Variants in ZSWIM6 observed in about 807,000 individuals in gnomAD.
The protein encoded by ZSWIM6 is zinc finger SWIM domain-containing protein 6.
Under a neutral mutation model 113.2 loss-of-function variants are expected in ZSWIM6, and 9 were observed. That is an observed-to-expected ratio of 0.08 (90% CI 0.05 to 0.14). The LOEUF (loss-of-function observed/expected upper bound fraction) is 0.14, where lower values mean the gene tolerates loss of function less well. Among genes scored for constraint, ZSWIM6 ranks in the 10% least tolerant of loss-of-function variants. ZSWIM6 has a pLI of 1.00. For synonymous variants in ZSWIM6, 611 were observed against 606.5 expected (o/e 1.01, Z -0.11); for missense variants, 1,162 against 1,552.2 (o/e 0.75, Z 4.22).
intron 1 of ZSWIM6, among the ~76,000 whole-genome samples, 153 bp downstream of exon 1, chr5:61,333,101 G>C (rs1216136634): frequency 6.6e-6 from 1 of 151,550 alleles, no homozygotes; most frequent in African/African-American, 2.4e-5. Context: ...CTCCTGAGCG[G>C]AGCGCCCATT....
rs769597327 is a variant in ZSWIM6, at chr5:61,544,315, TGATA to T, written c.*2_*5del. 5 of 1,128,228 alleles carry T rather than the reference TGATA, an allele frequency of 4.4e-6. No homozygotes were observed. Among genetic ancestry groups the T allele is most frequent in the Non-Finnish European group, 5.8e-6 (5 of 855,190 alleles). 69.9% of individuals were successfully genotyped at this position (1,128,228 alleles called of 1,614,324 possible). On this transcript the variant is annotated stop_retained_variant and 3_prime_UTR_variant, in exon 14 of 14. Transcript: ENST00000252744. ...GATGTTGGTTCGGGAGAGGTTTGGT[TGATA>T]GATCTTGTATGAATGGGGTGGGGGG...
Position 61,406,730 on chromosome 5 carries a change from T to TTTA in ZSWIM6, c.677-65951_677-65950insTTA, listed in dbSNP as rs1487703396. Among the ~76,000 whole-genome samples, 6 of 101,906 alleles carry TTTA rather than the reference T, an allele frequency of 5.9e-5. No homozygotes were observed. The East Asian group carries it at 9.9e-4, about 17-fold the overall frequency. The allele number at this position is 101,906 out of a possible 152,430, so 66.9% of individuals were successfully genotyped here. On this transcript the variant is annotated intron_variant, in intron 1 of 13. Coordinates refer to ENST00000252744, the MANE Select transcript of ZSWIM6 (RefSeq NM_020928.2). The stretch of plus-strand genomic sequence containing the variant: ...TATTTATTTATTTATTTATTTATTT[T>TTTA]GAGACAGAGTCTTGCTCTGTCACCC...
chr5:61,364,866 T>C (rs541689906), intron 1 of ZSWIM6, among the ~76,000 whole-genome samples: 31 of 152,140 alleles, frequency 2.0e-4, no homozygotes, highest in African/African-American at 7.0e-4. Context: ...ATTGGTAAAT[T>C]TGGGGGGACA....
At chr5:61,367,211 C>G in intron 1 of ZSWIM6, among the ~76,000 whole-genome samples, 1 of 152,120 alleles carries the variant, frequency 6.6e-6, no homozygotes, top group Admixed American at 6.5e-5. Context: ...CATAACAATT[C>G]TGCAGTGTAG....
chr5:61,495,376 G>A (rs890779336), intron 4 of ZSWIM6, among the ~76,000 whole-genome samples: 4 of 152,148 alleles, frequency 2.6e-5, no homozygotes, highest in African/African-American at 9.7e-5. Flanking sequence ...ATGACACTGT[G>A]TAATCTAGGG....
chr5:61,483,895 A>T (rs911569843), intron 2 of ZSWIM6, among the ~76,000 whole-genome samples: 2 of 150,152 alleles, frequency 1.3e-5, no homozygotes, highest in Non-Finnish European at 3.0e-5. Flanking sequence ...ATAAATAAAT[A>T]AATAAAATAA....
intron 1 of ZSWIM6, among the ~76,000 whole-genome samples, chr5:61,410,655 T>G (rs1746134699): frequency 6.6e-6 from 1 of 152,176 alleles, no homozygotes; most frequent in Admixed American, 6.5e-5. Context: ...AGACTGGTGT[T>G]TTTCACTTAG....
intron 2 of ZSWIM6, among the ~76,000 whole-genome samples, chr5:61,482,248 A>G (rs933293369): frequency 9.9e-5 from 15 of 152,204 alleles, no homozygotes; most frequent in African/African-American, 3.4e-4. Flanking sequence ...AACTATAAGA[A>G]TAGAAAACCA....
At chr5:61,495,090 A>G (rs560145177) in intron 4 of ZSWIM6, among the ~76,000 whole-genome samples, 2 of 152,186 alleles carry the variant, frequency 1.3e-5, no homozygotes, top group Non-Finnish European at 2.9e-5. Flanking sequence ...TAAGAAATCT[A>G]TAAGTGACAC....
At chr5:61,449,016 C>T (rs910009549) in intron 1 of ZSWIM6, among the ~76,000 whole-genome samples, 22 of 152,204 alleles carry the variant, frequency 1.4e-4, no homozygotes, top group South Asian at 2.1e-4. Context: ...AAAGCATCTC[C>T]GTTCCCACTT....
chr5:61,471,435 T>C (rs1246429058), intron 1 of ZSWIM6, among the ~76,000 whole-genome samples: 2 of 151,470 alleles, frequency 1.3e-5, no homozygotes, highest in African/African-American at 4.9e-5. Flanking sequence ...CAGGACTACC[T>C]GGTGGGCACT....
rs1273576633 is a variant in ZSWIM6 at position 61,332,764 on chromosome 5, GGCCGCAACCTCGGCC to G, written c.498_512del (p.Thr167_Ala171del). The G allele has an allele frequency of 5.6e-6, 1 of 179,686 alleles. No individual in the cohort carries two copies. The highest frequency in any genetic ancestry group is 5.1e-4 in the Admixed American group (1 of 1,972). 11.1% of individuals were successfully genotyped at this position (179,686 alleles called of 1,614,324 possible). The stretch of plus-strand genomic sequence containing the variant: ...CGTCTTCCCCGGCCGCAACCTCGGC[GGCCGCAACCTCGGCC>G]GCCGCCGCCGCTGCCGCCGCCGCCG... On this transcript the variant is annotated inframe_deletion, in exon 1 of 14. Transcript: ENST00000252744.
chr5:61,529,951 T>G, intron 7 of ZSWIM6, 101 bp from the exon 8 acceptor site: 4 of 1,062,684 alleles, frequency 3.8e-6, no homozygotes, highest in Non-Finnish European at 5.2e-6. Context: ...AACTGGTTTA[T>G]CAGGATGCTG....
At chr5:61,503,160 A>G (rs1236549294) in intron 4 of ZSWIM6, among the ~76,000 whole-genome samples, 2 of 152,228 alleles carry the variant, frequency 1.3e-5, no homozygotes, top group African/African-American at 2.4e-5. Flanking sequence ...CAAAATTAAT[A>G]TAAGAAAAAG....
intron 1 of ZSWIM6, among the ~76,000 whole-genome samples, chr5:61,354,142 C>G (rs558513628): frequency 2.0e-5 from 3 of 152,276 alleles, no homozygotes; most frequent in African/African-American, 4.8e-5. Flanking sequence ...TTCTTGTGAC[C>G]TCATTCCTGC....
chr5:61,424,727 CT>C (rs35994591), intron 1 of ZSWIM6, among the ~76,000 whole-genome samples: 218 of 134,678 alleles, frequency 1.6e-3, no homozygotes, highest in African/African-American at 2.1e-3. Flanking sequence ...AATCTTGGCT[CT>C]TTTTTTTTTT....
chr5:61,525,963 G>T lies in ZSWIM6; in HGVS notation c.1677G>T (p.Trp559Cys). The T allele has an allele frequency of 5.2e-6, 8 of 1,552,036 alleles. No homozygotes were observed. The highest frequency in any genetic ancestry group is 7.0e-6 in the Non-Finnish European group (8 of 1,147,036). ...ACTCCCTCTTCGACTCCCGCGGGTG[G>T]CCCCTCTGGCATGGTAAGTGACCAA... ...TENSLFDSRG[W>C]PLWHEHVPTA... Residue 559 changes from tryptophan (W) to cysteine (C), a missense_variant, in exon 6 of 14, where the codon TGG (tryptophan) becomes TGT (cysteine). Physicochemically the swap from Trp to Cys is radical, Grantham distance 215. This residue lies in a region of ZSWIM6 where 620 missense variants were observed against 804.6 expected (regional missense o/e 0.77). Transcript: ENST00000252744.
In ZSWIM6 at chr5:61,535,578, C is replaced by G; in HGVS notation, c.2340C>G (p.His780Gln). ...ATCTCTTCACCTCTCTCCTACCTCACGATGCTGAATTGGCATACAAAATTG... is the reference window on the plus strand; with the variant it reads ...ATCTCTTCACCTCTCTCCTACCTCAGGATGCTGAATTGGCATACAAAATTG... ...AKYLFTSLLPHDAELAYKIAL... is the reference protein window; with the variant it reads ...AKYLFTSLLPQDAELAYKIAL... Residue 780 changes from histidine (H) to glutamine (Q), a missense_variant, in exon 10 of 14, where the codon CAC (histidine) becomes CAG (glutamine). His to Gln is a conservative substitution (Grantham distance 24, BLOSUM62 0). This residue lies in a region of ZSWIM6 where 620 missense variants were observed against 804.6 expected (regional missense o/e 0.77). Coordinates refer to ENST00000252744, the MANE Select transcript of ZSWIM6 (RefSeq NM_020928.2). 6.4e-7 allele frequency: 1 copy of G among 1,551,334 alleles called. No individual in the cohort carries two copies. The highest frequency in any genetic ancestry group is 8.7e-7 in the Non-Finnish European group (1 of 1,146,762).
intron 1 of ZSWIM6, among the ~76,000 whole-genome samples, chr5:61,449,906 A>T (rs1278988708): frequency 6.6e-6 from 1 of 152,202 alleles, no homozygotes; most frequent in Non-Finnish European, 1.5e-5. Flanking sequence ...AGGAAGGATG[A>T]CTGAATGTAT....
Sources: gnomAD v4.1 joint callset for allele counts (sites outside exome capture counted in the v4.1 genomes callset) on GRCh38, gnomAD v4.1.1 for gene constraint, gnomAD v4.1.1 regional missense constraint, MANE v1.5 for transcripts, NCBI Gene and HGNC (gene_info 2026-07-23, HGNC 2026-07-21) for gene names.